NRK: variants seen among roughly 807,000 people sequenced by gnomAD.
NRK encodes the protein nik-related protein kinase.
Under a neutral mutation model 125.2 loss-of-function variants are expected in NRK, and 67 were observed. That is an observed-to-expected ratio of 0.54 (90% CI 0.44 to 0.66). The LOEUF is 0.66. Among genes scored for constraint, NRK ranks in the 30% least tolerant of loss-of-function variants. NRK has a pLI of 0.00. For missense variants in NRK, 1,224 were observed against 1,192.9 expected, an observed-to-expected ratio of 1.03 and a Z score of -0.38; for synonymous variants, 458 against 429.0, an observed-to-expected ratio of 1.07 and a Z score of -0.84.
intron 6 of NRK, 31 bp from the exon 7 acceptor site, chrX:105,895,402 A>G (rs780632637): frequency 6.0e-6 from 6 of 995,574 alleles, no homozygotes; most frequent in Admixed American, 4.4e-5. Flanking sequence ...AGAAATATAT[A>G]CTGATGTGGC....
chrX:105,892,715 C>T (rs370740194), intron 5 of NRK, among the ~76,000 whole-genome samples: 2 of 111,525 alleles, frequency 1.8e-5, no homozygotes, highest in East Asian at 5.6e-4. Context: ...TATCTGTTTT[C>T]GTTTTGTTTG....
At position 105,924,810 on chromosome X, in the gene NRK, A is replaced by G; in HGVS notation, c.3091A>G (p.Ser1031Gly). The change falls in exon 19 of 29, where the codon AGT becomes GGT. Residue 1031 changes from serine to glycine, a missense_variant. Ser to Gly is a moderately conservative substitution (Grantham distance 56). Coordinates refer to ENST00000243300, the MANE Select transcript of NRK (RefSeq NM_198465.4). ...TACAGCCAATAGAAGCCATGGAGGA[A>G]GTGCAGCCAGTGAGGACAATGCAGC... Reference protein sequence around the residue: ...SHTANRSHGGSAASEDNAAIG... With the variant: ...SHTANRSHGGGAASEDNAAIG... 8.3e-7 allele frequency: 1 copy of G among 1,210,577 alleles called. No homozygotes were observed. The highest frequency in any genetic ancestry group is 1.1e-6 in the Non-Finnish European group (1 of 894,791).
rs1382818572 is a variant in NRK, at chrX:105,831,079, A to G, written c.83A>G (p.Asp28Gly). 1 of 1,166,721 alleles carries G rather than the reference A, an allele frequency of 8.6e-7. No individual in the cohort carries two copies. The highest frequency in any genetic ancestry group is 1.2e-6 in the Non-Finnish European group (1 of 859,119). The change falls in exon 2 of 29, where the codon GAT (aspartate) becomes GGT (glycine). Residue 28 changes from aspartate to glycine, a missense_variant. Physicochemically the swap from Asp to Gly is moderately conservative, Grantham distance 94. Coordinates refer to ENST00000243300, the MANE Select transcript of NRK (RefSeq NM_198465.4). ...GATCCAACTGGAATATTCTCACTAG[A>G]TAAAACCATTGGCCTTGGTACTTAT... ...LPDPTGIFSL[D>G]KTIGLGTYGR...
At chrX:105,908,019 G>C (rs1453955301) in intron 11 of NRK, 2 of 263,275 alleles carry the variant, frequency 7.6e-6, no homozygotes. Context: ...TCTCTGTTCA[G>C]AGAAATTAAT....
intron 2 of NRK, among the ~76,000 whole-genome samples, chrX:105,851,656 T>C (rs1310123453): frequency 9.0e-6 from 1 of 111,365 alleles, no homozygotes; most frequent in Non-Finnish European, 1.9e-5. Flanking sequence ...TGTGAGACAG[T>C]TGAGAGGAGA....
intron 11 of NRK, chrX:105,907,841 C>T (rs934413984): frequency 1.7e-5 from 2 of 114,472 alleles, no homozygotes; most frequent in Non-Finnish European, 3.6e-5. Flanking sequence ...AATTTGCCTT[C>T]TCATTGAAAA....
chrX:105,949,814 C>T (rs2040868234), intron 27 of NRK, 80 bp downstream of exon 27: 1 of 638,265 alleles, frequency 1.6e-6, no homozygotes, highest in South Asian at 3.4e-5. Context: ...AAAAGATTTC[C>T]TGAATTATTA....
Position 105,949,592 on chromosome X carries a change from A to G in NRK, c.4371A>G (p.Ile1457Met). ...AATTCCAGCCCCTGGAAATCATTAT[A>G]CCACAGAATATCATCATTTTACCTG... is the stretch of plus-strand genomic sequence containing the variant. ...TLPKNPLEIIIPQNIIILPDC... is the reference protein window; with the variant it reads ...TLPKNPLEIIMPQNIIILPDC... The change falls in exon 27 of 29, where the codon ATA (isoleucine) becomes ATG (methionine). Residue 1457 changes from isoleucine (I) to methionine (M), a missense_variant. Coordinates refer to ENST00000243300, the MANE Select transcript of NRK (RefSeq NM_198465.4). The G allele has an allele frequency of 8.3e-7, 1 of 1,199,531 alleles. No homozygotes were observed. Among genetic ancestry groups the G allele is most frequent in the African/African-American group, 1.7e-5 (1 of 57,410 alleles).
intron 3 of NRK, among the ~76,000 whole-genome samples, chrX:105,881,153 TAAAA>T (rs34351950): frequency 4.8e-4 from 52 of 107,544 alleles, no homozygotes; most frequent in African/African-American, 1.7e-3. Context: ...ATAGCTGAAT[TAAAA>T]AAAAAAGTTG....
intron 1 of NRK, among the ~76,000 whole-genome samples, chrX:105,826,250 GATAATATATATTTCAT>G (rs2039100192): frequency 1.3e-5 from 1 of 75,724 alleles, no homozygotes; most frequent in Non-Finnish European, 2.4e-5. Flanking sequence ...TAATATATAT[GATAATATATATTTCAT>G]ATATAATATA....
At chrX:105,946,722 A>C (rs1340525595) in intron 26 of NRK, among the ~76,000 whole-genome samples, 2 of 111,624 alleles carry the variant, frequency 1.8e-5, no homozygotes, top group Non-Finnish European at 3.8e-5. Flanking sequence ...TTTTTAATGA[A>C]TAAAGTTTAC....
At position 105,888,407 on chromosome X, in the gene NRK, G is replaced by C. The variant is rs763098533; in HGVS notation, c.366G>C (p.Arg122=). The C allele has an allele frequency of 8.4e-7, 1 of 1,190,868 alleles. No individual in the cohort carries two copies. Among genetic ancestry groups the C allele is most frequent in the African/African-American group, 1.8e-5 (1 of 56,437 alleles). Reference sequence around the variant, plus strand: ...TCAAGCTGAGTCCCCCTGGTCAGCGGCACCAACTTTGGGTATGTTTTTAAT... The same window carrying C: ...TCAAGCTGAGTCCCCCTGGTCAGCGCCACCAACTTTGGGTATGTTTTTAAT... The part of the protein sequence containing the change: ...AFFKLSPPGQ[R]HQLWMVMELC... Residue 122 remains arginine (R), a synonymous_variant, in exon 5 of 29, where the codon CGG becomes CGC. Coordinates refer to ENST00000243300, the MANE Select transcript of NRK (RefSeq NM_198465.4).
chrX:105,833,281 A>G (rs1193545270), intron 2 of NRK, among the ~76,000 whole-genome samples: 1 of 111,509 alleles, frequency 9.0e-6, no homozygotes, highest in Non-Finnish European at 1.9e-5. Flanking sequence ...CCTCAATTCC[A>G]TCCTGTACTG....
At chrX:105,946,292 C>T (rs1246973887) in intron 25 of NRK, 23 bp from the exon 26 acceptor site, 21 of 1,167,313 alleles carry the variant, frequency 1.8e-5, no homozygotes, top group Non-Finnish European at 2.4e-5. Context: ...GCCTTTTGGC[C>T]ATATTTGGTT....
intron 19 of NRK, among the ~76,000 whole-genome samples, chrX:105,928,402 G>A (rs1054210445): frequency 1.8e-5 from 2 of 110,763 alleles, no homozygotes; most frequent in Non-Finnish European, 3.8e-5. Context: ...TCTAGCTAAC[G>A]GTTTGTCCAT....
At chrX:105,938,912 T>C (rs1019975212) in intron 22 of NRK, among the ~76,000 whole-genome samples, 3 of 111,277 alleles carry the variant, frequency 2.7e-5, no homozygotes, top group African/African-American at 9.8e-5. Flanking sequence ...CTTCTTCACA[T>C]GGCAGCAGCA....
rs2040266406 is a variant in NRK, at chrX:105,909,472, C to CCAG, written c.1832_1834dup (p.Pro611_Val612insAla). On this transcript the variant is annotated inframe_insertion, in exon 13 of 29. Coordinates refer to ENST00000243300, the MANE Select transcript of NRK (RefSeq NM_198465.4). ...ACATTTGGATACTCAGGTGCTCATT[C>CCAG]CAGTAGAGGGGCAAACTGAAGGATC... The CCAG allele has an allele frequency of 8.3e-7, 1 of 1,207,427 alleles. No homozygotes were observed.
At chrX:105,869,840 C>A (rs2039719622) in intron 2 of NRK, among the ~76,000 whole-genome samples, 1 of 112,407 alleles carries the variant, frequency 8.9e-6, no homozygotes, top group Non-Finnish European at 1.9e-5. Flanking sequence ...CTGCAGCTTA[C>A]ATCTGTCTGA....
chrX:105,906,715 T>C, intron 11 of NRK, 126 bp downstream of exon 11: 3 of 393,560 alleles, frequency 7.6e-6, no homozygotes, highest in Non-Finnish European at 1.3e-5. Context: ...GCCTTTGATA[T>C]TTAGTTTTGC....
Sources: gnomAD v4.1 joint callset for allele counts (sites outside exome capture counted in the v4.1 genomes callset) on GRCh38, gnomAD v4.1.1 for gene constraint, MANE v1.5 for transcripts, NCBI Gene and HGNC (gene_info 2026-07-23, HGNC 2026-07-21) for gene names.